The following OTUD7A variants were observed in gnomAD, a reference collection of about 807,000 sequenced individuals.
OTUD7A encodes OTU deubiquitinase 7A.
Under a neutral mutation model 65.7 loss-of-function variants are expected in OTUD7A, and 12 were observed. The ratio of observed to expected loss-of-function variants is 0.18; its 90% CI spans 0.12 to 0.30. The LOEUF (loss-of-function observed/expected upper bound fraction) is 0.30, where lower values mean the gene tolerates loss of function less well. OTUD7A is among the 10% of genes least tolerant of loss of function. The pLI, the probability that OTUD7A is intolerant of heterozygous loss-of-function variation, is 1.00. For synonymous variants in OTUD7A, 641 were observed against 586.3 expected, an observed-to-expected ratio of 1.09 and a Z score of -1.35; for missense variants, 1,148 against 1,304.8, an observed-to-expected ratio of 0.88 and a Z score of 1.85.
intron 3 of OTUD7A, among the ~76,000 whole-genome samples, chr15:31,579,333 T>C (rs1382535164): frequency 6.6e-6 from 1 of 152,234 alleles, no homozygotes; most frequent in Admixed American, 6.5e-5. Flanking sequence ...AAGCACACTA[T>C]GGCTTCTCTT....
intron 1 of OTUD7A, among the ~76,000 whole-genome samples, chr15:31,743,727 T>C (rs1894401850): frequency 6.6e-6 from 1 of 151,006 alleles, no homozygotes; most frequent in Admixed American, 6.6e-5. Context: ...GCCAACATGT[T>C]GAAACCCCAT....
At chr15:31,526,858 G>A (rs1339754746) in intron 7 of OTUD7A, among the ~76,000 whole-genome samples, 1 of 152,194 alleles carries the variant, frequency 6.6e-6, no homozygotes, top group Non-Finnish European at 1.5e-5. Flanking sequence ...GGGGCCATGG[G>A]CTGCACCTGA....
chr15:31,580,186 T>C (rs779936712), intron 3 of OTUD7A, among the ~76,000 whole-genome samples: 16 of 152,124 alleles, frequency 1.1e-4, no homozygotes, highest in Non-Finnish European at 4.4e-5. Flanking sequence ...GGCAAGTACA[T>C]TCAAGGTACT....
chr15:31,579,997 T>A (rs1368233721), intron 3 of OTUD7A, among the ~76,000 whole-genome samples: 1 of 152,230 alleles, frequency 6.6e-6, no homozygotes, highest in African/African-American at 2.4e-5. Context: ...TCCACCAGGA[T>A]ATCTAGGAAA....
chr15:31,754,475 A>C (rs1894753667), intron 1 of OTUD7A, among the ~76,000 whole-genome samples: 1 of 152,114 alleles, frequency 6.6e-6, no homozygotes, highest in African/African-American at 2.4e-5. Context: ...TATCTTTTAG[A>C]ATTTTTATAG....
chr15:31,773,161 C>G (rs1179568694), intron 1 of OTUD7A, among the ~76,000 whole-genome samples: 1 of 152,166 alleles, frequency 6.6e-6, no homozygotes, highest in African/African-American at 2.4e-5. Context: ...ATGCAGGAAA[C>G]TGAAGATGGA....
intron 3 of OTUD7A, among the ~76,000 whole-genome samples, chr15:31,608,942 A>G (rs1414170246): frequency 6.6e-6 from 1 of 152,216 alleles, no homozygotes; most frequent in Non-Finnish European, 1.5e-5. Context: ...GAAGCAGGAA[A>G]GGGAAATCCT....
chr15:31,551,423 A>G (rs1888320808), intron 5 of OTUD7A, among the ~76,000 whole-genome samples: 1 of 152,220 alleles, frequency 6.6e-6, no homozygotes, highest in South Asian at 2.1e-4. Context: ...CATTGTGAAT[A>G]GCTTGAAAAC....
chr15:31,801,361 G>T (rs1209622294), intron 1 of OTUD7A, among the ~76,000 whole-genome samples: 1 of 152,216 alleles, frequency 6.6e-6, no homozygotes, highest in Non-Finnish European at 1.5e-5. Flanking sequence ...CCAGCCTGAT[G>T]GCAGGTGGCC....
chr15:31,581,522 C>A (rs1192613724), intron 3 of OTUD7A, among the ~76,000 whole-genome samples: 2 of 152,252 alleles, frequency 1.3e-5, no homozygotes, highest in African/African-American at 4.8e-5. Flanking sequence ...CATGCATTTC[C>A]ATACATCCTC....
At chr15:31,491,347 A>G (rs1481004533) in intron 10 of OTUD7A, among the ~76,000 whole-genome samples, 1 of 152,232 alleles carries the variant, frequency 6.6e-6, no homozygotes, top group Non-Finnish European at 1.5e-5. Context: ...TAGAAATGAA[A>G]AACACCATAA....
At chr15:31,741,156 T>C (rs1894332211) in intron 1 of OTUD7A, among the ~76,000 whole-genome samples, 1 of 152,182 alleles carries the variant, frequency 6.6e-6, no homozygotes, top group Non-Finnish European at 1.5e-5. Context: ...AGACCAAGTT[T>C]TCTGACCATA....
At chr15:31,802,198 T>C (rs982143422) in intron 1 of OTUD7A, among the ~76,000 whole-genome samples, 1 of 150,924 alleles carries the variant, frequency 6.6e-6, no homozygotes, top group African/African-American at 2.4e-5. Flanking sequence ...GATCACAAGG[T>C]CCCACAATAG....
intron 3 of OTUD7A, among the ~76,000 whole-genome samples, chr15:31,652,717 T>C (rs139465211): frequency 0.012 from 1,836 of 152,190 alleles, 30 homozygotes; most frequent in Non-Finnish European, 0.016. Flanking sequence ...ATAAACAGCA[T>C]GAAAATTTTC....
chr15:31,794,064 T>C (rs909895518), intron 1 of OTUD7A, among the ~76,000 whole-genome samples: 6 of 152,278 alleles, frequency 3.9e-5, no homozygotes, highest in Admixed American at 2.0e-4. Context: ...ATTATAGTTT[T>C]ATCTTTCACA....
rs1260093257 is a variant in OTUD7A, at chr15:31,691,756, G to GAAGCAAAAC, written c.-99-34688_-99-34680dup. Among the ~76,000 whole-genome samples the GAAGCAAAAC allele has an allele frequency of 1.8e-4, 26 of 140,656 alleles. No individual in the cohort carries two copies. The East Asian group carries it at 5.3e-3, about 29-fold the overall frequency. The allele number at this position is 140,656 out of a possible 152,430, so 92.3% of individuals were successfully genotyped here. ...ATCAAGCTAAAAAGCTTCTGCACAG[G>GAAGCAAAAC]AAGCAAAACAACTAAGTGAAGAGAC... On this transcript the variant is annotated intron_variant, in intron 1 of 12. Coordinates refer to ENST00000307050, the MANE Select transcript of OTUD7A (RefSeq NM_001382637.1).
intron 1 of OTUD7A, among the ~76,000 whole-genome samples, chr15:31,729,484 A>G (rs1893983121): frequency 6.6e-6 from 1 of 152,228 alleles, no homozygotes; most frequent in Non-Finnish European, 1.5e-5. Flanking sequence ...CATTTAAAGT[A>G]GTAAAGAACA....
At chr15:31,800,723 G>A (rs1896098910) in intron 1 of OTUD7A, among the ~76,000 whole-genome samples, 1 of 152,208 alleles carries the variant, frequency 6.6e-6, no homozygotes, top group Non-Finnish European at 1.5e-5. Flanking sequence ...ACGCAGGGAA[G>A]GTGATACTGC....
intron 4 of OTUD7A, among the ~76,000 whole-genome samples, chr15:31,563,348 G>T (rs1381944533): frequency 1.3e-5 from 2 of 152,248 alleles, no homozygotes; most frequent in Non-Finnish European, 2.9e-5. Context: ...CCAAGGACTG[G>T]AAGGGGTGGT....
Sources: allele counts gnomAD v4.1 joint callset (sites outside exome capture counted in the v4.1 genomes callset), GRCh38; gene constraint gnomAD v4.1.1; transcripts MANE v1.5; gene names NCBI Gene and HGNC (gene_info 2026-07-23, HGNC 2026-07-21).